The following ABCA1 variants were observed in gnomAD, a reference collection of about 807,000 sequenced individuals.
ABCA1 encodes phospholipid-transporting ATPase ABCA1.
ABCA1 carries 133 observed loss-of-function variants against 262.5 expected under a neutral mutation model. The ratio of observed to expected loss-of-function variants is 0.51; its 90% CI spans 0.44 to 0.59. ABCA1 has a LOEUF of 0.59. Among genes scored for constraint, ABCA1 ranks in the 20% least tolerant of loss-of-function variants. ABCA1 has a pLI of 0.00. For missense variants in ABCA1, 2,452 were observed against 2,777.5 expected, an observed-to-expected ratio of 0.88 and a Z score of 2.63; for synonymous variants, 1,022 against 1,043.5, an observed-to-expected ratio of 0.98 and a Z score of 0.40.
intron 5 of ABCA1, among the ~76,000 whole-genome samples, chr9:104,863,718 G>A (rs1265191524): frequency 6.6e-6 from 1 of 152,228 alleles, no homozygotes; most frequent in Admixed American, 6.5e-5. Context: ...TCTATGGCTA[G>A]CTCCTAGTTA....
At chr9:104,802,263 G>C (rs574301462) in intron 33 of ABCA1, 104 bp from the exon 34 acceptor site, 2 of 1,066,434 alleles carry the variant, frequency 1.9e-6, no homozygotes, top group Non-Finnish European at 2.9e-6. Context: ...TCAAATTCCT[G>C]TTCAAAGGAG....
In ABCA1 at chr9:104,832,722, T is replaced by C; in HGVS notation, c.1361A>G (p.Asp454Gly). 1 of 1,614,216 alleles carries C rather than the reference T, an allele frequency of 6.2e-7. No individual in the cohort carries two copies. The change falls in exon 12 of 50, where the codon GAT becomes GGT. Residue 454 changes from aspartate to glycine, a missense_variant. This residue lies in a region of ABCA1 where 1,032 missense variants were observed against 1,089.7 expected (regional missense o/e 0.95). Coordinates refer to ENST00000374736, the MANE Select transcript of ABCA1 (RefSeq NM_005502.4). ...GTCTTGGGCTGTCCAATCTAAGCCA[T>C]CCAACTGCTGTTCCCAAAAGTGGTC... ...DNDHFWEQQL[D>G]GLDWTAQDIV...
At chr9:104,837,183 C>A in intron 10 of ABCA1, 87 bp from the exon 11 acceptor site, 1 of 1,188,708 alleles carries the variant, frequency 8.4e-7, no homozygotes, top group Non-Finnish European at 1.2e-6. Flanking sequence ...AAAAGATACC[C>A]CATCACAGCA....
At chr9:104,879,411 A>G (rs2119161564) in intron 5 of ABCA1, among the ~76,000 whole-genome samples, 1 of 152,348 alleles carries the variant, frequency 6.6e-6, no homozygotes, top group East Asian at 1.9e-4. Context: ...CCAAGCTTCA[A>G]GTCTTTGTCC....
intron 39 of ABCA1, 78 bp downstream of exon 39, chr9:104,795,975 T>C: frequency 4.4e-6 from 7 of 1,595,538 alleles, no homozygotes; most frequent in South Asian, 2.2e-5. Context: ...ACAAGTGGAA[T>C]AAGATCACAA....
At position 104,800,087 on chromosome 9, in the gene ABCA1, A is replaced by C. The variant is rs2118890822; in HGVS notation, c.4774-99T>G. The C allele has an allele frequency of 2.9e-6, 4 of 1,358,280 alleles. No homozygotes were observed. The South Asian group carries it at 4.7e-5, about 16-fold the overall frequency. 84.1% of individuals were successfully genotyped at this position (1,358,280 alleles called of 1,614,324 possible). On this transcript the variant is annotated intron_variant, in intron 35 of 49. Coordinates refer to ENST00000374736, the MANE Select transcript of ABCA1 (RefSeq NM_005502.4). ...CCATGCCCATAAACCTCAGAAAGAA[A>C]TTCTAGTCACATACCAAGGCAAAAC...
intron 30 of ABCA1, among the ~76,000 whole-genome samples, chr9:104,807,800 G>A (rs542935181): frequency 4.7e-5 from 7 of 150,064 alleles, no homozygotes; most frequent in East Asian, 3.9e-4. Flanking sequence ...GCAACAGAGC[G>A]AGACTCCATC....
chr9:104,875,737 A>C (rs1213710300), intron 5 of ABCA1, among the ~76,000 whole-genome samples: 2 of 152,250 alleles, frequency 1.3e-5, no homozygotes, highest in South Asian at 2.1e-4. Flanking sequence ...CTCACTGGAG[A>C]AGGCAAGATA....
At chr9:104,812,975 GA>G (rs1207559548) in intron 27 of ABCA1, among the ~76,000 whole-genome samples, 1 of 152,202 alleles carries the variant, frequency 6.6e-6, no homozygotes, top group Non-Finnish European at 1.5e-5. Flanking sequence ...TGAGACAACT[GA>G]AAAGAGGTGT....
At chr9:104,852,974 A>G (rs1051230340) in intron 7 of ABCA1, among the ~76,000 whole-genome samples, 1 of 152,220 alleles carries the variant, frequency 6.6e-6, no homozygotes, top group Non-Finnish European at 1.5e-5. Flanking sequence ...TCCTTGTCTA[A>G]GAGTCAAGAA....
intron 14 of ABCA1, among the ~76,000 whole-genome samples, chr9:104,830,290 G>A (rs1035959126): frequency 3.3e-5 from 5 of 152,214 alleles, no homozygotes; most frequent in East Asian, 3.8e-4. Context: ...AAGTTTAGAC[G>A]CTGTTTCTGC....
chr9:104,925,517 A>G (rs1345114201), intron 1 of ABCA1, among the ~76,000 whole-genome samples: 1 of 152,216 alleles, frequency 6.6e-6, no homozygotes, highest in Non-Finnish European at 1.5e-5. Context: ...ATTCTGGAAC[A>G]CTATGCGGGT....
At chr9:104,839,591 T>C (rs1834184889) in intron 9 of ABCA1, among the ~76,000 whole-genome samples, 2 of 152,230 alleles carry the variant, frequency 1.3e-5, no homozygotes, top group South Asian at 4.1e-4. Flanking sequence ...CTTATCTCAA[T>C]GGTAATATTA....
At chr9:104,832,535 C>A (rs755784196) in intron 12 of ABCA1, 39 bp downstream of exon 12, 1 of 1,607,426 alleles carries the variant, frequency 6.2e-7, no homozygotes, top group East Asian at 2.2e-5. Flanking sequence ...AGAAAGAAGC[C>A]GTTAAGTCTT....
At chr9:104,879,933 C>A (rs1417006201) in intron 5 of ABCA1, among the ~76,000 whole-genome samples, 1 of 152,094 alleles carries the variant, frequency 6.6e-6, no homozygotes, top group African/African-American at 2.4e-5. Context: ...GCCATTTTGC[C>A]TAAAAAATCA....
rs1202266406 is a variant in ABCA1 at position 104,794,436 on chromosome 9, G to A, written c.5457C>T (p.Leu1819=). 5.6e-6 allele frequency: 9 copies of A among 1,606,204 alleles called. No homozygotes were observed. Among genetic ancestry groups the A allele is most frequent in the South Asian group, 2.2e-5 (2 of 90,898 alleles). The part of the protein sequence containing the change: ...IFPHFCLGRG[L]IDMVKNQAMA... ...TTGCCTGGTTTTTCACCATGTCGAT[G>A]AGCCCTCGTCCCAGGCAAAAATGTG... The change falls in exon 40 of 50, where the codon CTC becomes CTT. Residue 1819 remains leucine, a synonymous_variant. Transcript: ENST00000374736.
Position 104,903,746 on chromosome 9 carries a change from G to A in ABCA1, c.-67C>T. On this transcript the variant is annotated 5_prime_UTR_variant, in exon 2 of 50. Transcript: ENST00000374736. The stretch of plus-strand genomic sequence containing the variant: ...TGGAAGGCAGCGGCCAGAGCTCACA[G>A]CAGGGACGCCGTGGCTGGTCATTAA... The A allele has an allele frequency of 6.9e-7, 1 of 1,455,934 alleles. No individual in the cohort carries two copies. The highest frequency in any genetic ancestry group is 2.5e-5 in the East Asian group (1 of 40,468). The allele number at this position is 1,455,934 out of a possible 1,614,324, so 90.2% of individuals were successfully genotyped here. A position where few individuals can be genotyped will look rare whatever the true frequency, so the allele number is the denominator to read the frequency against.
intron 5 of ABCA1, among the ~76,000 whole-genome samples, chr9:104,862,656 G>GCCCCCCA (rs1564198338): frequency 1.0e-3 from 2 of 1,938 alleles, no homozygotes; most frequent in Non-Finnish European, 1.4e-3. Context: ...GGCCGGGCCG[G>GCCCCCCA]GCCGGGCCGG....
chr9:104,881,489 T>C (rs1052632645), intron 5 of ABCA1, among the ~76,000 whole-genome samples: 7 of 152,308 alleles, frequency 4.6e-5, no homozygotes, highest in Non-Finnish European at 8.8e-5. Flanking sequence ...AAAATCATAA[T>C]TCATATTCAC....
Sources: allele counts gnomAD v4.1 joint callset (sites outside exome capture counted in the v4.1 genomes callset), GRCh38; gene constraint gnomAD v4.1.1; regional missense constraint gnomAD v4.1.1; transcripts MANE v1.5; gene names NCBI Gene and HGNC (gene_info 2026-07-23, HGNC 2026-07-21).